Variants in CDK14 observed in about 807,000 individuals in gnomAD.
The protein encoded by CDK14 is cyclin dependent kinase 14.
CDK14 carries 34 observed loss-of-function variants against 60.7 expected under a neutral mutation model. That is an observed-to-expected ratio of 0.56 (90% CI 0.43 to 0.75). CDK14 has a LOEUF of 0.75. Among genes scored for constraint, CDK14 ranks in the 30% least tolerant of loss-of-function variants. The probability of loss-of-function intolerance (pLI) is 0.00; values close to 1 mark genes in which losing one functional copy is unlikely to be tolerated. For missense variants in CDK14, 482 were observed against 564.1 expected (o/e 0.85, Z 1.47); for synonymous variants, 197 against 203.7 (o/e 0.97, Z 0.28).
intron 11 of CDK14, among the ~76,000 whole-genome samples, chr7:91,060,320 A>G (rs1797739437): frequency 6.6e-6 from 1 of 151,804 alleles, no homozygotes; most frequent in Non-Finnish European, 1.5e-5. Context: ...GGTTTCCTGA[A>G]TACAGCACAC....
At chr7:90,685,835 A>G (rs549095057) in intron 2 of CDK14, among the ~76,000 whole-genome samples, 6 of 151,868 alleles carry the variant, frequency 4.0e-5, no homozygotes, top group Non-Finnish European at 7.4e-5. Flanking sequence ...TTCTCTCTCC[A>G]GTCATTTTCC....
At chr7:91,026,875 A>G (rs182307717) in intron 10 of CDK14, among the ~76,000 whole-genome samples, 71 of 152,300 alleles carry the variant, frequency 4.7e-4, no homozygotes, top group African/African-American at 1.6e-3. Context: ...TTCTCTGTCT[A>G]AACTATCATG....
At chr7:90,905,946 C>T (rs567621833) in intron 7 of CDK14, among the ~76,000 whole-genome samples, 21 of 152,152 alleles carry the variant, frequency 1.4e-4, no homozygotes, top group African/African-American at 5.1e-4. Flanking sequence ...CTATGGGAGG[C>T]CACTCATCTA....
At chr7:91,135,645 G>A (rs1800257823) in intron 14 of CDK14, among the ~76,000 whole-genome samples, 4 of 152,168 alleles carry the variant, frequency 2.6e-5, no homozygotes, top group African/African-American at 7.2e-5. Flanking sequence ...ATCAGCTGAA[G>A]GGGCCTTTCT....
chr7:91,201,001 T>C (rs1802698744), intron 14 of CDK14, among the ~76,000 whole-genome samples: 1 of 152,140 alleles, frequency 6.6e-6, no homozygotes, highest in Non-Finnish European at 1.5e-5. Flanking sequence ...CACAAAGTTA[T>C]CCTAATTTTT....
intron 14 of CDK14, among the ~76,000 whole-genome samples, chr7:91,132,919 T>A (rs1800161553): frequency 6.6e-6 from 1 of 151,692 alleles, no homozygotes; most frequent in Non-Finnish European, 1.5e-5. Flanking sequence ...TATTACAACA[T>A]GTTTCTTAAA....
chr7:91,089,657 A>C (rs1485294162), intron 12 of CDK14, among the ~76,000 whole-genome samples: 1 of 151,918 alleles, frequency 6.6e-6, no homozygotes, highest in African/African-American at 2.4e-5. Context: ...CAAAACAAGT[A>C]AAATGTCTCT....
chr7:90,752,632 C>G (rs1335825633), intron 4 of CDK14, among the ~76,000 whole-genome samples: 3 of 151,890 alleles, frequency 2.0e-5, no homozygotes, highest in Non-Finnish European at 4.4e-5. Flanking sequence ...AACCCCAAAG[C>G]CAGAAGAAGA....
chr7:91,188,618 A>T (rs1214696228), intron 14 of CDK14, among the ~76,000 whole-genome samples: 1 of 152,238 alleles, frequency 6.6e-6, no homozygotes, highest in Non-Finnish European at 1.5e-5. Flanking sequence ...TGTTTAGAGT[A>T]AGAATTTCAG....
intron 2 of CDK14, among the ~76,000 whole-genome samples, chr7:90,658,530 G>C (rs1800798762): frequency 6.6e-6 from 1 of 152,208 alleles, no homozygotes; most frequent in Non-Finnish European, 1.5e-5. Flanking sequence ...GGAGCGAGGA[G>C]CATAAATGTT....
rs150567768 is a variant in CDK14, at chr7:90,862,277, C to T, written c.545-898C>T. On this transcript the variant is annotated intron_variant, in intron 5 of 14. Transcript: ENST00000380050. ...AAATGCATTAAAAATATGACCAAAC[C>T]ATATACTGTCTACAAGAAACTTCAA... 1.3e-3 allele frequency among the ~76,000 whole-genome samples: 197 copies of T among 152,052 alleles called. 1 individual carries two copies. The highest frequency in any genetic ancestry group is 4.4e-3 in the African/African-American group (183 of 41,480).
At chr7:91,207,089 T>C (rs1802924671) in intron 14 of CDK14, 76 bp from the exon 15 acceptor site, 1 of 152,212 alleles carries the variant, frequency 6.6e-6, no homozygotes, top group Non-Finnish European at 1.5e-5. Flanking sequence ...TGACCAATTT[T>C]GATGTTTCAT....
intron 11 of CDK14, among the ~76,000 whole-genome samples, chr7:91,069,237 A>G (rs1428301902): frequency 6.6e-6 from 1 of 152,230 alleles, no homozygotes; most frequent in Admixed American, 6.5e-5. Flanking sequence ...TTAAAAACTT[A>G]TAATTAAAAG....
intron 14 of CDK14, among the ~76,000 whole-genome samples, chr7:91,174,797 T>A (rs1269221850): frequency 1.3e-5 from 1 of 75,754 alleles, no homozygotes; most frequent in Non-Finnish European, 2.4e-5. Context: ...CCAAGAAATA[T>A]GGGACTATGT....
intron 11 of CDK14, among the ~76,000 whole-genome samples, chr7:91,059,805 G>A (rs2116106953): frequency 6.6e-6 from 1 of 152,346 alleles, no homozygotes; most frequent in East Asian, 1.9e-4. Context: ...TACATTTGCT[G>A]AGGAGTGCTT....
At chr7:90,633,248 C>T (rs1800046393) in intron 2 of CDK14, among the ~76,000 whole-genome samples, 3 of 152,068 alleles carry the variant, frequency 2.0e-5, no homozygotes, top group South Asian at 2.1e-4. Context: ...GTTAGTCTGT[C>T]TCAAAACTCT....
chr7:90,997,093 T>C (rs1795708092), intron 10 of CDK14, among the ~76,000 whole-genome samples: 1 of 152,234 alleles, frequency 6.6e-6, no homozygotes, highest in South Asian at 2.1e-4. Flanking sequence ...TTTTCTCTGA[T>C]TTTTCAATTG....
At chr7:90,666,659 TA>T (rs1800985450) in intron 2 of CDK14, among the ~76,000 whole-genome samples, 1 of 152,254 alleles carries the variant, frequency 6.6e-6, no homozygotes, top group Admixed American at 6.5e-5. Context: ...AATGTTGCCT[TA>T]AAACATGGTT....
intron 5 of CDK14, among the ~76,000 whole-genome samples, chr7:90,797,594 G>C (rs1788484792): frequency 6.6e-6 from 1 of 151,888 alleles, no homozygotes; most frequent in Admixed American, 6.6e-5. Flanking sequence ...AGAAATACCT[G>C]AGACTGAGTA....
Sources: allele counts gnomAD v4.1 joint callset (sites outside exome capture counted in the v4.1 genomes callset), GRCh38; gene constraint gnomAD v4.1.1; transcripts MANE v1.5; gene names NCBI Gene and HGNC (gene_info 2026-07-23, HGNC 2026-07-21).